RANBP2: variants seen among roughly 807,000 people sequenced by gnomAD.
RANBP2 encodes RAN binding protein 2.
A neutral mutation model predicts 303.6 loss-of-function variants in RANBP2; 57 were observed. The ratio of observed to expected loss-of-function variants is 0.19; its 90% CI spans 0.15 to 0.23. The LOEUF (loss-of-function observed/expected upper bound fraction) is 0.23. RANBP2 is among the 10% of genes least tolerant of loss of function. RANBP2 has a pLI of 1.00. For missense variants in RANBP2, 3,138 were observed against 3,780.8 expected, an observed-to-expected ratio of 0.83 and a Z score of 4.46; for synonymous variants, 1,167 against 1,301.5, an observed-to-expected ratio of 0.90 and a Z score of 2.23.
chr2:108,842,889 G>A, the RANBP2 span, among the ~76,000 whole-genome samples: 2 of 152,118 alleles, frequency 1.3e-5, no homozygotes, highest in Admixed American at 1.3e-4. Context: ...TCATTTTACC[G>A]GTTTGAATAA....
At chr2:109,164,470 C>T in the RANBP2 span, among the ~76,000 whole-genome samples, 177 of 152,328 alleles carry the variant, frequency 1.2e-3, no homozygotes, top group African/African-American at 2.8e-3. Context: ...AGCTGTGAGC[C>T]ACAGTATTTG....
the RANBP2 span, among the ~76,000 whole-genome samples, chr2:109,246,536 TC>T: frequency 6.6e-6 from 1 of 152,194 alleles, no homozygotes; most frequent in Non-Finnish European, 1.5e-5. Context: ...CATTGCATAC[TC>T]CAAGGAATAT....
chr2:109,604,160 T>G, the RANBP2 span, among the ~76,000 whole-genome samples: 1 of 65,502 alleles, frequency 1.5e-5, no homozygotes. Flanking sequence ...AGACTCTGCC[T>G]CAAAAAAAAA....
chr2:109,301,903 T>C, the RANBP2 span, among the ~76,000 whole-genome samples: 1 of 152,182 alleles, frequency 6.6e-6, no homozygotes, highest in African/African-American at 2.4e-5. Context: ...CCTAAGTAGC[T>C]TCCCCGGTGC....
the RANBP2 span, among the ~76,000 whole-genome samples, chr2:109,034,113 AC>A: frequency 6.6e-6 from 1 of 150,906 alleles, no homozygotes; most frequent in African/African-American, 2.4e-5. Flanking sequence ...TACTAAAAAT[AC>A]AAAAAATTAG....
chr2:109,312,640 G>T, the RANBP2 span, among the ~76,000 whole-genome samples: 1 of 152,136 alleles, frequency 6.6e-6, no homozygotes, highest in East Asian at 1.9e-4. Context: ...ATGGCCCTTT[G>T]GTCTAGCTTC....
At chr2:108,734,204 G>A (rs533591378) in intron 4 of RANBP2, among the ~76,000 whole-genome samples, 8 of 151,154 alleles carry the variant, frequency 5.3e-5, no homozygotes, top group Admixed American at 2.0e-4. Context: ...GGGGAAAGAC[G>A]AGTTTAAGTA....
the RANBP2 span, among the ~76,000 whole-genome samples, chr2:109,380,205 G>T: frequency 6.6e-6 from 1 of 152,088 alleles, no homozygotes. Flanking sequence ...GTACCGGCTC[G>T]CCCTGATTTC....
the RANBP2 span, among the ~76,000 whole-genome samples, chr2:109,484,998 C>T: frequency 6.6e-6 from 1 of 152,196 alleles, no homozygotes; most frequent in African/African-American, 2.4e-5. Flanking sequence ...GAGTTTTTAC[C>T]TCCCCTTCTG....
chr2:108,774,495 A>G (rs1262961477), intron 23 of RANBP2, among the ~76,000 whole-genome samples: 1 of 152,188 alleles, frequency 6.6e-6, no homozygotes. Context: ...TAATACTGGT[A>G]TCATAAAATG....
the RANBP2 span, among the ~76,000 whole-genome samples, chr2:109,150,095 G>A: frequency 6.6e-6 from 1 of 152,196 alleles, no homozygotes; most frequent in East Asian, 1.9e-4. Flanking sequence ...GGGGTGAGCA[G>A]CACTGATCTA....
chr2:109,163,029 C>G, the RANBP2 span, among the ~76,000 whole-genome samples: 123,197 of 151,726 alleles, frequency 0.81, 50,193 homozygotes, highest in East Asian at 0.89. Flanking sequence ...CCCCCAAAGT[C>G]TGTATAGTGA....
the RANBP2 span, among the ~76,000 whole-genome samples, chr2:109,169,743 A>G: frequency 7.3e-6 from 1 of 136,876 alleles, no homozygotes; most frequent in East Asian, 2.3e-4. Flanking sequence ...ACATATGTAT[A>G]AAACAACCAT....
chr2:109,498,082 A>G, the RANBP2 span, among the ~76,000 whole-genome samples: 1 of 152,132 alleles, frequency 6.6e-6, no homozygotes, highest in Non-Finnish European at 1.5e-5. Context: ...TCCTCCTTGA[A>G]GGAGGGCCAG....
chr2:109,027,498 A>G, the RANBP2 span, among the ~76,000 whole-genome samples: 341 of 152,256 alleles, frequency 2.2e-3, 1 homozygote, highest in African/African-American at 8.0e-3. Context: ...GGAGCCTGAC[A>G]TGAAGGCACA....
the RANBP2 span, among the ~76,000 whole-genome samples, chr2:108,799,969 T>G: frequency 1.1e-4 from 16 of 152,214 alleles, no homozygotes; most frequent in Admixed American, 4.6e-4. Flanking sequence ...AATTTATTTT[T>G]GTTTTTCTCA....
At chr2:108,975,685 G>A in the RANBP2 span, among the ~76,000 whole-genome samples, 23 of 152,292 alleles carry the variant, frequency 1.5e-4, no homozygotes, top group African/African-American at 5.1e-4. Flanking sequence ...AGCTTGCGAA[G>A]CCCCTGGCCA....
At chr2:108,756,145 C>T (rs958726005) in intron 17 of RANBP2, among the ~76,000 whole-genome samples, 1 of 152,122 alleles carries the variant, frequency 6.6e-6, no homozygotes, top group Non-Finnish European at 1.5e-5. Context: ...AGAGAAGGTT[C>T]CTGAGTGATT....
the RANBP2 span, among the ~76,000 whole-genome samples, chr2:108,991,377 A>G: frequency 2.0e-5 from 3 of 152,262 alleles, no homozygotes; most frequent in Admixed American, 6.5e-5. Flanking sequence ...AGAAATAGCA[A>G]CAGGTTATCA....
Sources: gnomAD v4.1 joint callset for allele counts (sites outside exome capture counted in the v4.1 genomes callset) on GRCh38, gnomAD v4.1.1 for gene constraint, MANE v1.5 for transcripts, NCBI Gene and HGNC (gene_info 2026-07-23, HGNC 2026-07-21) for gene names.